The following PPP2R3A variants were observed in gnomAD, a reference collection of about 807,000 sequenced individuals.
The protein encoded by PPP2R3A is protein phosphatase 2 regulatory subunit B''alpha.
In PPP2R3A, 80 loss-of-function variants were observed where a neutral mutation model predicts 106.9. The observed-to-expected ratio is 0.75, with a 90% CI of 0.62 to 0.90. PPP2R3A has a LOEUF of 0.90. PPP2R3A is among the 40% of genes least tolerant of loss of function. The pLI, the probability that PPP2R3A is intolerant of heterozygous loss-of-function variation, is 0.00. For missense variants in PPP2R3A, 1,386 were observed against 1,350.4 expected (o/e 1.03, Z -0.41); for synonymous variants, 483 against 468.3 (o/e 1.03, Z -0.41).
At chr3:136,115,726 C>T (rs1194168335) in intron 13 of PPP2R3A, among the ~76,000 whole-genome samples, 1 of 151,700 alleles carries the variant, frequency 6.6e-6, no homozygotes, top group African/African-American at 2.4e-5. Flanking sequence ...AACAAAGTCT[C>T]CAAGAAATAT....
intron 8 of PPP2R3A, among the ~76,000 whole-genome samples, chr3:136,085,437 T>C (rs1050208852): frequency 3.3e-5 from 5 of 152,272 alleles, no homozygotes; most frequent in African/African-American, 9.6e-5. Flanking sequence ...GGTATGTCGT[T>C]ATTAGCAGCG....
At chr3:136,067,051 A>G (rs1936282935) in intron 5 of PPP2R3A, among the ~76,000 whole-genome samples, 2 of 152,250 alleles carry the variant, frequency 1.3e-5, no homozygotes, top group South Asian at 4.1e-4. Context: ...GATGCCCACT[A>G]TCTCCACTAC....
intron 12 of PPP2R3A, among the ~76,000 whole-genome samples, chr3:136,105,906 G>T (rs753776681): frequency 1.8e-4 from 27 of 152,066 alleles, no homozygotes; most frequent in Non-Finnish European, 3.1e-4. Context: ...GCTGCAGTGA[G>T]CCGAGATCGT....
At chr3:136,050,722 A>G (rs1411100677) in intron 5 of PPP2R3A, among the ~76,000 whole-genome samples, 1 of 151,992 alleles carries the variant, frequency 6.6e-6, no homozygotes, top group Non-Finnish European at 1.5e-5. Flanking sequence ...TCCTGACACT[A>G]AGAGGTCTTC....
chr3:136,135,338 C>G (rs1441231419), intron 13 of PPP2R3A, among the ~76,000 whole-genome samples: 4 of 152,056 alleles, frequency 2.6e-5, no homozygotes, highest in Non-Finnish European at 5.9e-5. Context: ...AGAGCAAGCA[C>G]TAGAATGTGA....
At chr3:136,031,612 T>C (rs1462285837) in intron 3 of PPP2R3A, among the ~76,000 whole-genome samples, 2 of 152,236 alleles carry the variant, frequency 1.3e-5, no homozygotes, top group South Asian at 4.1e-4. Context: ...CCCATTGTTA[T>C]CTTCTAGAAT....
intron 1 of PPP2R3A, among the ~76,000 whole-genome samples, chr3:135,975,545 TA>T (rs1246278781): frequency 5.9e-5 from 9 of 152,216 alleles, no homozygotes; most frequent in African/African-American, 2.2e-4. Flanking sequence ...ATTTCCTAGA[TA>T]ATAAACAAGT....
chr3:136,027,650 C>T (rs956233012), intron 3 of PPP2R3A, among the ~76,000 whole-genome samples: 2 of 152,208 alleles, frequency 1.3e-5, no homozygotes, highest in Non-Finnish European at 2.9e-5. Context: ...CCTCCCAGAA[C>T]AGTTAATACT....
chr3:136,065,129 TAATC>T (rs1047981188), intron 5 of PPP2R3A, among the ~76,000 whole-genome samples: 3 of 152,134 alleles, frequency 2.0e-5, no homozygotes, highest in African/African-American at 4.8e-5. Context: ...CTTACAAAGA[TAATC>T]AACCAAAGAA....
At chr3:136,078,521 T>G in intron 7 of PPP2R3A, 68 bp downstream of exon 7, 1 of 1,045,790 alleles carries the variant, frequency 9.6e-7, no homozygotes, top group Non-Finnish European at 1.5e-6. Context: ...ATTTAACAAA[T>G]ATTTGAGCGC....
chr3:136,111,318 T>G (rs1937588362), intron 13 of PPP2R3A, among the ~76,000 whole-genome samples: 1 of 152,126 alleles, frequency 6.6e-6, no homozygotes, highest in Admixed American at 6.5e-5. Flanking sequence ...CAACAATGGT[T>G]AAAGTATGTC....
At chr3:136,052,421 C>T (rs1935716363) in intron 5 of PPP2R3A, among the ~76,000 whole-genome samples, 1 of 152,196 alleles carries the variant, frequency 6.6e-6, no homozygotes, top group Non-Finnish European at 1.5e-5. Flanking sequence ...CTAGTGCCTA[C>T]TAGGCTCTCC....
intron 1 of PPP2R3A, among the ~76,000 whole-genome samples, chr3:135,991,487 C>T (rs1020277921): frequency 6.9e-6 from 1 of 145,472 alleles, no homozygotes; most frequent in African/African-American, 2.8e-5. Flanking sequence ...AAAAGTTTAA[C>T]CCCAAATATT....
chr3:136,083,333 G>C (rs1408386060), intron 8 of PPP2R3A, among the ~76,000 whole-genome samples: 1 of 152,146 alleles, frequency 6.6e-6, no homozygotes, highest in African/African-American at 2.4e-5. Flanking sequence ...TTCCCATGTA[G>C]TTCTCATGAT....
At chr3:135,998,463 T>C (rs769752216) in intron 1 of PPP2R3A, among the ~76,000 whole-genome samples, 69 of 152,300 alleles carry the variant, frequency 4.5e-4, no homozygotes, top group Admixed American at 7.8e-4. Context: ...TGTACTTCCA[T>C]TTTTTTCATC....
intron 1 of PPP2R3A, among the ~76,000 whole-genome samples, chr3:135,997,382 A>G (rs1933444133): frequency 6.6e-6 from 1 of 152,030 alleles, no homozygotes; most frequent in Admixed American, 6.6e-5. Flanking sequence ...TTTTCTTGTT[A>G]TCTTTTTCTC....
intron 13 of PPP2R3A, among the ~76,000 whole-genome samples, chr3:136,140,576 C>G (rs1938824836): frequency 6.6e-6 from 1 of 152,132 alleles, no homozygotes; most frequent in Admixed American, 6.5e-5. Flanking sequence ...TGGAGAAACC[C>G]TGTCTCTACT....
intron 10 of PPP2R3A, among the ~76,000 whole-genome samples, chr3:136,094,972 G>T (rs1185393574): frequency 6.6e-6 from 1 of 152,168 alleles, no homozygotes; most frequent in African/African-American, 2.4e-5. Flanking sequence ...ATACTAGTAA[G>T]TCAAGGCTTA....
intron 1 of PPP2R3A, among the ~76,000 whole-genome samples, chr3:135,974,954 A>G (rs545655805): frequency 2.3e-4 from 35 of 152,246 alleles, no homozygotes; most frequent in Non-Finnish European, 3.8e-4. Flanking sequence ...TCGTAGGCAT[A>G]TTTCCTATTT....
Sources: gnomAD v4.1 joint callset for allele counts (sites outside exome capture counted in the v4.1 genomes callset) on GRCh38, gnomAD v4.1.1 for gene constraint, MANE v1.5 for transcripts, NCBI Gene and HGNC (gene_info 2026-07-23, HGNC 2026-07-21) for gene names.